Variants in NAALADL2 observed in about 807,000 individuals in gnomAD.
The protein encoded by NAALADL2 is N-acetylated alpha-linked acidic dipeptidase like 2.
NAALADL2 carries 76 observed loss-of-function variants against 87.2 expected under a neutral mutation model. The observed-to-expected ratio is 0.87, with a 90% CI of 0.72 to 1.05. The LOEUF (loss-of-function observed/expected upper bound fraction) is 1.05, where lower values mean the gene tolerates loss of function less well. Among genes scored for constraint, NAALADL2 ranks in the 50% least tolerant of loss-of-function variants. The pLI is 0.00. For synonymous variants in NAALADL2, 354 were observed against 331.0 expected (o/e 1.07, Z -0.75); for missense variants, 1,089 against 945.8 (o/e 1.15, Z -1.99).
At chr3:175,694,265 A>C (rs534894531) in intron 11 of NAALADL2, among the ~76,000 whole-genome samples, 3 of 152,322 alleles carry the variant, frequency 2.0e-5, no homozygotes, top group South Asian at 2.1e-4. Flanking sequence ...CATAACAAAC[A>C]TAACTGAATA....
chr3:175,501,358 A>G (rs1729513414), intron 9 of NAALADL2, among the ~76,000 whole-genome samples: 1 of 151,988 alleles, frequency 6.6e-6, no homozygotes. Flanking sequence ...TGCCACCTCC[A>G]CAATTATATT....
chr3:175,809,693 T>C lies in NAALADL2; in HGVS notation c.*6490T>C, dbSNP rs1224860496. 2 of 151,686 alleles carry C rather than the reference T, an allele frequency of 1.3e-5. No homozygotes were observed. The highest frequency in any genetic ancestry group is 3.9e-4 in the East Asian group (2 of 5,162). 9.4% of individuals were successfully genotyped at this position (151,686 alleles called of 1,614,324 possible). ...TCCAGCCTGTGTAACAGAACCTATC[T>C]CAAAAAAAGGAAAAGAAAGTCACAT... On this transcript the variant is annotated 3_prime_UTR_variant, in exon 14 of 14. Coordinates refer to ENST00000454872, the MANE Select transcript of NAALADL2 (RefSeq NM_207015.3).
At chr3:174,561,331 C>A (rs2108512067) in intron 2 of NAALADL2, among the ~76,000 whole-genome samples, 1 of 151,848 alleles carries the variant, frequency 6.6e-6, no homozygotes, top group South Asian at 2.1e-4. Context: ...CTCCGAGTAG[C>A]TGGGATTACA....
chr3:174,810,619 A>C (rs545192667), intron 3 of NAALADL2, among the ~76,000 whole-genome samples: 8 of 151,688 alleles, frequency 5.3e-5, no homozygotes, highest in Non-Finnish European at 1.2e-4. Context: ...AAAATGATCC[A>C]AAACTAGAAT....
chr3:175,635,418 T>A lies in NAALADL2; in HGVS notation c.1896+8032T>A, dbSNP rs183496720. On this transcript the variant is annotated intron_variant, in intron 11 of 13. Transcript: ENST00000454872. ...GGCTGCTATTCTTTTATCATACTTT[T>A]AAAAATCTTATAAATATATAAAGAC... is the stretch of plus-strand genomic sequence containing the variant. Among the ~76,000 whole-genome samples, 412 of 152,236 alleles carry A rather than the reference T, an allele frequency of 2.7e-3. 2 individuals are homozygous for A. The highest frequency in any genetic ancestry group is 9.5e-3 in the African/African-American group (394 of 41,572).
intron 1 of NAALADL2, among the ~76,000 whole-genome samples, chr3:174,919,645 C>A (rs186516689): frequency 1.3e-5 from 2 of 152,296 alleles, no homozygotes; most frequent in African/African-American, 4.8e-5. Flanking sequence ...GAATCAATTT[C>A]TTTCAAACTC....
intron 1 of NAALADL2, among the ~76,000 whole-genome samples, chr3:174,952,286 A>G (rs972689109): frequency 1.3e-5 from 2 of 152,104 alleles, no homozygotes; most frequent in Non-Finnish European, 1.5e-5. Flanking sequence ...TAAATATCCA[A>G]TACATATTTG....
At chr3:174,713,065 G>A (rs1052194345) in intron 2 of NAALADL2, among the ~76,000 whole-genome samples, 2 of 148,816 alleles carry the variant, frequency 1.3e-5, no homozygotes. Context: ...TTGGTTTTTT[G>A]TCCTTGCAAT....
chr3:175,504,003 C>T (rs897889468), intron 9 of NAALADL2, among the ~76,000 whole-genome samples: 2 of 152,074 alleles, frequency 1.3e-5, no homozygotes, highest in African/African-American at 4.8e-5. Context: ...AAATTTTTGC[C>T]AGGTCCTATG....
At chr3:174,750,821 A>C (rs945228616) in intron 3 of NAALADL2, among the ~76,000 whole-genome samples, 7 of 152,196 alleles carry the variant, frequency 4.6e-5, no homozygotes, top group East Asian at 1.9e-4. Context: ...CTTCCTGCCA[A>C]TAGCAAGTTG....
chr3:174,968,008 A>AT (rs1041374952), intron 1 of NAALADL2, among the ~76,000 whole-genome samples: 10 of 152,220 alleles, frequency 6.6e-5, no homozygotes, highest in African/African-American at 2.4e-4. Context: ...TGAGAAATCT[A>AT]TTTTAAGTCT....
chr3:175,197,129 T>G (rs950406181), intron 2 of NAALADL2, among the ~76,000 whole-genome samples: 7 of 151,976 alleles, frequency 4.6e-5, no homozygotes, highest in African/African-American at 1.7e-4. Flanking sequence ...TAAGGCCCTC[T>G]GCAATAGCAA....
chr3:175,300,930 T>C (rs960877430), intron 4 of NAALADL2, among the ~76,000 whole-genome samples: 1 of 151,894 alleles, frequency 6.6e-6, no homozygotes, highest in African/African-American at 2.4e-5. Context: ...CTAGTAGAGA[T>C]GGAGTTTCTC....
intron 9 of NAALADL2, among the ~76,000 whole-genome samples, chr3:175,472,289 AT>A (rs893995086): frequency 6.6e-6 from 1 of 152,024 alleles, no homozygotes; most frequent in Non-Finnish European, 1.5e-5. Context: ...AAAATCATAT[AT>A]TTTTTATGTT....
At chr3:174,937,581 A>G (rs567558447) in intron 1 of NAALADL2, among the ~76,000 whole-genome samples, 1 of 152,234 alleles carries the variant, frequency 6.6e-6, no homozygotes, top group Admixed American at 6.5e-5. Flanking sequence ...TGTACTAGGC[A>G]TTCAATAAAT....
At chr3:175,384,731 A>G (rs940991801) in intron 5 of NAALADL2, among the ~76,000 whole-genome samples, 1 of 150,650 alleles carries the variant, frequency 6.6e-6, no homozygotes, top group Admixed American at 6.6e-5. Flanking sequence ...TTTATTACCA[A>G]TTTTATTACC....
chr3:174,789,258 A>G (rs1717174327), intron 3 of NAALADL2, among the ~76,000 whole-genome samples: 1 of 152,154 alleles, frequency 6.6e-6, no homozygotes, highest in Admixed American at 6.6e-5. Context: ...GTCACCACCT[A>G]TTGTGATAAT....
chr3:175,597,857 C>A (rs1196435785), intron 10 of NAALADL2, among the ~76,000 whole-genome samples: 1 of 151,932 alleles, frequency 6.6e-6, no homozygotes, highest in African/African-American at 2.4e-5. Context: ...CAGTTTCTAG[C>A]ATAATGCTCC....
At chr3:175,369,921 AT>A in intron 5 of NAALADL2, among the ~76,000 whole-genome samples, 2 of 152,320 alleles carry the variant, frequency 1.3e-5, no homozygotes, top group Middle Eastern at 6.8e-3. Flanking sequence ...GAAGGATGGT[AT>A]TCTGCAAATG....
Sources: gnomAD v4.1 joint callset for allele counts (sites outside exome capture counted in the v4.1 genomes callset) on GRCh38, gnomAD v4.1.1 for gene constraint, MANE v1.5 for transcripts, NCBI Gene and HGNC (gene_info 2026-07-23, HGNC 2026-07-21) for gene names.